Variants in BLOC1S2 observed in about 807,000 individuals in gnomAD.
BLOC1S2 encodes the protein biogenesis of lysosome-related organelles complex 1 subunit 2.
In BLOC1S2, 12 loss-of-function variants were observed where a neutral mutation model predicts 19.6. That is an observed-to-expected ratio of 0.61 (90% CI 0.39 to 0.99). The LOEUF is 0.99. BLOC1S2 is among the 50% of genes least tolerant of loss of function. The pLI, the probability that BLOC1S2 is intolerant of heterozygous loss-of-function variation, is 0.00. For missense variants in BLOC1S2, 142 were observed against 171.0 expected (o/e 0.83, Z 0.95); for synonymous variants, 66 against 64.1 (o/e 1.03, Z -0.14).
chr10:100,275,252 TAA>T lies in BLOC1S2; in HGVS notation c.*208_*209del. On this transcript the variant is annotated 3_prime_UTR_variant, in exon 5 of 5. Coordinates refer to ENST00000370372, the MANE Select transcript of BLOC1S2 (RefSeq NM_173809.5). ...CATTCAAGTAAAAGGTAGGAAGTTA[TAA>T]GTGTGAGATTCTGAGGGATTCTGTC... The T allele has an allele frequency of 2.0e-6, 1 of 496,376 alleles. No individual in the cohort carries two copies. The highest frequency in any genetic ancestry group is 3.6e-6 in the Non-Finnish European group (1 of 278,398). 30.7% of individuals were successfully genotyped at this position (496,376 alleles called of 1,614,324 possible).
chr10:100,286,472 G>T, intron 1 of BLOC1S2, 133 bp downstream of exon 1: 4 of 1,489,112 alleles, frequency 2.7e-6, no homozygotes, highest in Non-Finnish European at 2.7e-6. Context: ...ACAAACACTC[G>T]CGCGCAGCGA....
At chr10:100,278,955 T>C (rs1848024819) in intron 4 of BLOC1S2, among the ~76,000 whole-genome samples, 1 of 152,026 alleles carries the variant, frequency 6.6e-6, no homozygotes, top group South Asian at 2.1e-4. Context: ...GATGTGATGG[T>C]GCACACCTGT....
At chr10:100,277,403 C>A (rs1419151540) in intron 4 of BLOC1S2, among the ~76,000 whole-genome samples, 2 of 150,366 alleles carry the variant, frequency 1.3e-5, no homozygotes, top group African/African-American at 4.9e-5. Flanking sequence ...GCCGCCCCTA[C>A]TGGGAAGTGA....
rs71013438 is a variant in BLOC1S2 at position 100,281,693 on chromosome 10, A to AAAT, written c.173-641_173-640insATT. 1.5e-4 allele frequency among the ~76,000 whole-genome samples: 21 copies of AAAT among 138,878 alleles called. 1 individual carries two copies. Among genetic ancestry groups the AAAT allele is most frequent in the South Asian group, 2.2e-4 (1 of 4,608 alleles). 91.1% of individuals were successfully genotyped at this position (138,878 alleles called of 152,430 possible). A position where few individuals can be genotyped will look rare whatever the true frequency, so the allele number is the denominator to read the frequency against. Reference sequence around the variant, plus strand: ...GTGAGACTCCATCTCAAAAAAAAAAAATATATATATATACACATACACACA... The same window carrying AAAT: ...GTGAGACTCCATCTCAAAAAAAAAAAAATATATATATATATACACATACACACA... On this transcript the variant is annotated intron_variant, in intron 2 of 4. Coordinates refer to ENST00000370372, the MANE Select transcript of BLOC1S2 (RefSeq NM_173809.5).
At chr10:100,278,612 G>C (rs1334429221) in intron 4 of BLOC1S2, among the ~76,000 whole-genome samples, 14 of 152,138 alleles carry the variant, frequency 9.2e-5, no homozygotes, top group South Asian at 4.2e-4. Flanking sequence ...GATGTGCTTT[G>C]TTAAACAGAT....
At position 100,273,471 on chromosome 10, in the gene BLOC1S2, C is replaced by T. The variant is rs530334211; in HGVS notation, c.*1991G>A. The T allele has an allele frequency of 2.3e-4, 35 of 152,310 alleles. No homozygotes were observed. Among genetic ancestry groups the T allele is most frequent in the African/African-American group, 7.9e-4 (33 of 41,580 alleles). 9.4% of individuals were successfully genotyped at this position (152,310 alleles called of 1,614,324 possible). A position where few individuals can be genotyped will look rare whatever the true frequency, so the allele number is the denominator to read the frequency against. On this transcript the variant is annotated 3_prime_UTR_variant, in exon 5 of 5. Transcript: ENST00000370372. The stretch of plus-strand genomic sequence containing the variant: ...TATTTTCAAAAAGTTTATGAAAACT[C>T]ATCCATGGGAATTTAAGGTGGCTGA...
At chr10:100,283,135 C>T (rs961807010) in intron 2 of BLOC1S2, among the ~76,000 whole-genome samples, 1 of 152,204 alleles carries the variant, frequency 6.6e-6, no homozygotes, top group South Asian at 2.1e-4. Context: ...GCTGATGGCA[C>T]CACCCAGGCT....
At chr10:100,277,898 C>A (rs1450894497) in intron 4 of BLOC1S2, among the ~76,000 whole-genome samples, 37 of 112,872 alleles carry the variant, frequency 3.3e-4, no homozygotes, top group Non-Finnish European at 2.1e-4. Context: ...GTCAGCCCCC[C>A]GCCTGGCCAG....
chr10:100,275,584 T>C, intron 4 of BLOC1S2, 91 bp from the exon 5 acceptor site: 1 of 1,125,984 alleles, frequency 8.9e-7, no homozygotes, highest in Non-Finnish European at 1.3e-6. Flanking sequence ...TTAAAAAATA[T>C]GTATAATATT....
chr10:100,273,815 G>A lies in BLOC1S2; in HGVS notation c.*1647C>T, dbSNP rs1235753579. The A allele has an allele frequency of 5.0e-5, 7 of 141,238 alleles. No homozygotes were observed. Among genetic ancestry groups the A allele is most frequent in the East Asian group, 2.1e-4 (1 of 4,786 alleles). The allele number at this position is 141,238 out of a possible 1,614,324, so 8.7% of individuals were successfully genotyped here. ...CGCACCACTGCACTCCAGCCCAGGC[G>A]ACAGAGCAAGACTTCATCTCAAAAA... is the stretch of plus-strand genomic sequence containing the variant. On this transcript the variant is annotated 3_prime_UTR_variant, in exon 5 of 5. Transcript: ENST00000370372.
chr10:100,279,706 T>C (rs4917896), intron 4 of BLOC1S2, among the ~76,000 whole-genome samples: 75,511 of 151,506 alleles, frequency 0.5, 19,379 homozygotes, highest in African/African-American at 0.6. Context: ...TGAGAGACCC[T>C]GTCTCTACTA....
chr10:100,280,253 T>G, intron 3 of BLOC1S2, 25 bp from the exon 4 acceptor site: 1 of 1,561,408 alleles, frequency 6.4e-7, no homozygotes, highest in Non-Finnish European at 8.7e-7. Flanking sequence ...AAAAACTTCA[T>G]GTTTATATGG....
At chr10:100,285,970 C>T in intron 2 of BLOC1S2, 127 bp downstream of exon 2, 1 of 1,310,408 alleles carries the variant, frequency 7.6e-7, no homozygotes, top group Non-Finnish European at 1.0e-6. Flanking sequence ...TCATGGCCTC[C>T]CCCAACTTCC....
At position 100,277,666 on chromosome 10, in the gene BLOC1S2, G is replaced by GC. The variant is rs546556982; in HGVS notation, c.398-2174dup. On this transcript the variant is annotated intron_variant, in intron 4 of 4. Coordinates refer to ENST00000370372, the MANE Select transcript of BLOC1S2 (RefSeq NM_173809.5). ...GTCCAGGAGGGAGGTGGGGGGCTCA[G>GC]CCCCCCCGCCCGGCCAGCCGCCCCG... Among the ~76,000 whole-genome samples, 490 of 126,676 alleles carry GC rather than the reference G, an allele frequency of 3.9e-3. 20 individuals are homozygous for GC. Among genetic ancestry groups the GC allele is most frequent in the African/African-American group, 0.014 (455 of 31,700 alleles). The allele number at this position is 126,676 out of a possible 152,430, so 83.1% of individuals were successfully genotyped here.
intron 2 of BLOC1S2, 138 bp from the exon 3 acceptor site, chr10:100,281,191 T>G (rs1848093169): frequency 3.0e-6 from 3 of 991,992 alleles, no homozygotes; most frequent in Non-Finnish European, 4.5e-6. Context: ...TCTATGACAT[T>G]TATAACTCAG....
chr10:100,274,358 T>C lies in BLOC1S2; in HGVS notation c.*1104A>G, dbSNP rs1312728767. The stretch of plus-strand genomic sequence containing the variant: ...TCTAAGCAGGAGTAATAGGGCCAGT[T>C]TACATTTTTAAGATTGCTCTGGCAG... On this transcript the variant is annotated 3_prime_UTR_variant, in exon 5 of 5. Coordinates refer to ENST00000370372, the MANE Select transcript of BLOC1S2 (RefSeq NM_173809.5). 6.6e-6 allele frequency: 1 copy of C among 152,394 alleles called. No individual in the cohort carries two copies. Among genetic ancestry groups the C allele is most frequent in the Non-Finnish European group, 1.5e-5 (1 of 68,098 alleles). 9.4% of individuals were successfully genotyped at this position (152,394 alleles called of 1,614,324 possible). A position where few individuals can be genotyped will look rare whatever the true frequency, so the allele number is the denominator to read the frequency against.
rs959987382 is a variant in BLOC1S2 at position 100,282,838 on chromosome 10, G to C, written c.173-1785C>G. On this transcript the variant is annotated intron_variant, in intron 2 of 4. Coordinates refer to ENST00000370372, the MANE Select transcript of BLOC1S2 (RefSeq NM_173809.5). The stretch of plus-strand genomic sequence containing the variant: ...TCATTTGGAAACCTAGGTACTTTAA[G>C]TGTTACTAAAAACAAATTAAGTGCA... 1.0e-5 allele frequency: 4 copies of C among 398,530 alleles called. No homozygotes were observed. In the East Asian group the frequency reaches 1.4e-4, roughly 14 times the overall value. 24.7% of individuals were successfully genotyped at this position (398,530 alleles called of 1,614,324 possible). A position where few individuals can be genotyped will look rare whatever the true frequency, so the allele number is the denominator to read the frequency against.
At chr10:100,277,067 C>A (rs35696979) in intron 4 of BLOC1S2, among the ~76,000 whole-genome samples, 1 of 139,796 alleles carries the variant, frequency 7.2e-6, no homozygotes, top group Non-Finnish European at 1.6e-5. Context: ...GGAGCGCCTC[C>A]TCCCGGCCGC....
intron 2 of BLOC1S2, among the ~76,000 whole-genome samples, chr10:100,281,340 T>C (rs1300464423): frequency 6.6e-6 from 1 of 152,170 alleles, no homozygotes; most frequent in East Asian, 1.9e-4. Context: ...GGAGGTAAAA[T>C]AGTCTTGGTA....
Sources: gnomAD v4.1 joint callset for allele counts (sites outside exome capture counted in the v4.1 genomes callset) on GRCh38, gnomAD v4.1.1 for gene constraint, MANE v1.5 for transcripts, NCBI Gene and HGNC (gene_info 2026-07-23, HGNC 2026-07-21) for gene names.